ACER3: variants seen among roughly 807,000 people sequenced by gnomAD.
ACER3 encodes the protein alkCDase 3.
In ACER3, 16 loss-of-function variants were observed where a neutral mutation model predicts 48.9. The ratio of observed to expected loss-of-function variants is 0.33; its 90% CI spans 0.22 to 0.50. ACER3 has a LOEUF of 0.50. ACER3 is among the 20% of genes least tolerant of loss of function. The probability of loss-of-function intolerance (pLI) is 0.98; values close to 1 mark genes in which losing one functional copy is unlikely to be tolerated. For synonymous variants in ACER3, 109 were observed against 107.8 expected, an observed-to-expected ratio of 1.01 and a Z score of -0.07; for missense variants, 227 against 326.0, an observed-to-expected ratio of 0.70 and a Z score of 2.34.
chr11:76,915,204 T>G (rs1946493062), intron 1 of ACER3, among the ~76,000 whole-genome samples: 1 of 147,900 alleles, frequency 6.8e-6, no homozygotes, highest in Admixed American at 6.7e-5. Context: ...AAAGGAAAAA[T>G]AAATAAATAA....
chr11:76,964,194 G>A (rs1029212150), intron 3 of ACER3, among the ~76,000 whole-genome samples: 9 of 151,328 alleles, frequency 5.9e-5, no homozygotes, highest in Non-Finnish European at 1.2e-4. Context: ...AGGGTCCTAC[G>A]CCCACGGAGC....
At chr11:76,994,213 C>A (rs938444258) in intron 6 of ACER3, 4 of 453,392 alleles carry the variant, frequency 8.8e-6, no homozygotes, top group African/African-American at 8.0e-5. Flanking sequence ...CTCATTGGAA[C>A]CTCCACCTCC....
Position 76,933,205 on chromosome 11 carries a change from A to G in ACER3, c.214+6538A>G, listed in dbSNP as rs1947063042. Among the ~76,000 whole-genome samples, 4 of 120,182 alleles carry G rather than the reference A, an allele frequency of 3.3e-5. No individual in the cohort carries two copies. In the South Asian group the frequency reaches 8.1e-4, roughly 24 times the overall value. The allele number at this position is 120,182 out of a possible 152,430, so 78.8% of individuals were successfully genotyped here. A position where few individuals can be genotyped will look rare whatever the true frequency, so the allele number is the denominator to read the frequency against. On this transcript the variant is annotated intron_variant, in intron 2 of 10. Transcript: ENST00000532485. Reference sequence around the variant, plus strand: ...ATATATATATATATGAAACTTCACTATTCTGACTGAAGTGGGCAGTCTTGA... The same window carrying G: ...ATATATATATATATGAAACTTCACTGTTCTGACTGAAGTGGGCAGTCTTGA...
chr11:77,001,180 A>G (rs1333828842), intron 7 of ACER3, among the ~76,000 whole-genome samples: 3 of 152,182 alleles, frequency 2.0e-5, no homozygotes, highest in South Asian at 2.1e-4. Context: ...TAGATACACA[A>G]TTGATTATCT....
At chr11:76,979,568 G>A (rs1387715880) in intron 4 of ACER3, among the ~76,000 whole-genome samples, 3 of 151,940 alleles carry the variant, frequency 2.0e-5, no homozygotes, top group Non-Finnish European at 4.4e-5. Context: ...TGGGAGAATC[G>A]CTTGAACCCA....
chr11:76,901,407 G>C (rs760995705), intron 1 of ACER3, among the ~76,000 whole-genome samples: 1 of 152,184 alleles, frequency 6.6e-6, no homozygotes, highest in Non-Finnish European at 1.5e-5. Flanking sequence ...CCAGAGACTG[G>C]AAGCTGGTTT....
intron 1 of ACER3, among the ~76,000 whole-genome samples, chr11:76,874,769 G>A (rs1945327682): frequency 6.6e-6 from 1 of 152,150 alleles, no homozygotes; most frequent in African/African-American, 2.4e-5. Context: ...ATTTTGGGAG[G>A]TCTACTTGAT....
intron 5 of ACER3, among the ~76,000 whole-genome samples, chr11:76,986,268 G>T (rs1948683741): frequency 6.6e-6 from 1 of 152,190 alleles, no homozygotes. Flanking sequence ...TCTGTGAGGA[G>T]CTCATTCTGT....
chr11:77,012,469 G>C (rs1949289477), intron 7 of ACER3, among the ~76,000 whole-genome samples: 1 of 144,436 alleles, frequency 6.9e-6, no homozygotes, highest in African/African-American at 2.6e-5. Context: ...GTGAAATTTA[G>C]CAGAGTCACA....
Position 76,958,925 on chromosome 11 carries a change from C to T in ACER3, c.215-54C>T, listed in dbSNP as rs182163243. On this transcript the variant is annotated intron_variant, in intron 2 of 10. Coordinates refer to ENST00000532485, the MANE Select transcript of ACER3 (RefSeq NM_018367.7). Reference sequence around the variant, plus strand: ...AATGTCTTATTGTCTTCTCAGGTCACTGTCCACGCACAAAGAATTTCATGC... The same window carrying T: ...AATGTCTTATTGTCTTCTCAGGTCATTGTCCACGCACAAAGAATTTCATGC... 1.2e-4 allele frequency: 191 copies of T among 1,575,234 alleles called. No individual in the cohort carries two copies. In the Admixed American group the frequency reaches 3.1e-3, roughly 26 times the overall value.
rs1949509322 is a variant in ACER3, at chr11:77,023,989, G to T, written c.*3662G>T. ...CTCGGGAGGCTGAGGCAGGAGAATGGCGTGAACCTGGGAGGCAGAGCTTGC... is the reference window on the plus strand; with the variant it reads ...CTCGGGAGGCTGAGGCAGGAGAATGTCGTGAACCTGGGAGGCAGAGCTTGC... On this transcript the variant is annotated 3_prime_UTR_variant, in exon 11 of 11. Coordinates refer to ENST00000532485, the MANE Select transcript of ACER3 (RefSeq NM_018367.7). 6.7e-6 allele frequency: 1 copy of T among 149,692 alleles called. No homozygotes were observed. Among genetic ancestry groups the T allele is most frequent in the African/African-American group, 2.5e-5 (1 of 40,620 alleles). 9.3% of individuals were successfully genotyped at this position (149,692 alleles called of 1,614,324 possible).
intron 1 of ACER3, among the ~76,000 whole-genome samples, chr11:76,914,757 T>A (rs34266128): frequency 0.57 from 86,621 of 151,728 alleles, 27,821 homozygotes; most frequent in Non-Finnish European, 0.73. Context: ...GTATGTTTGT[T>A]GTGGCACTAT....
chr11:76,954,664 A>G (rs899856740), intron 2 of ACER3, among the ~76,000 whole-genome samples: 2 of 150,874 alleles, frequency 1.3e-5, no homozygotes, highest in Non-Finnish European at 2.9e-5. Flanking sequence ...GCAGTGGCAC[A>G]ATCATGGCTT....
At chr11:76,899,808 T>C (rs1267309168) in intron 1 of ACER3, among the ~76,000 whole-genome samples, 1 of 152,212 alleles carries the variant, frequency 6.6e-6, no homozygotes. Flanking sequence ...TTTGCACATA[T>C]ACGGTTGACC....
intron 1 of ACER3, among the ~76,000 whole-genome samples, chr11:76,906,414 C>T (rs1946232667): frequency 6.6e-6 from 1 of 152,102 alleles, no homozygotes; most frequent in Non-Finnish European, 1.5e-5. Flanking sequence ...GTCCTGTCAC[C>T]CCCTAACCAG....
chr11:76,936,721 C>CT (rs11428910), intron 2 of ACER3, among the ~76,000 whole-genome samples: 80,744 of 143,316 alleles, frequency 0.56, 25,430 homozygotes, highest in Non-Finnish European at 0.73. Context: ...TTCTTTCTTT[C>CT]TTTTTTTTTT....
intron 5 of ACER3, among the ~76,000 whole-genome samples, chr11:76,990,244 T>C (rs1445389472): frequency 6.6e-6 from 1 of 152,226 alleles, no homozygotes; most frequent in Non-Finnish European, 1.5e-5. Flanking sequence ...TCACTCCTCA[T>C]GAGAATCCAT....
At chr11:76,895,348 C>T (rs1945902099) in intron 1 of ACER3, among the ~76,000 whole-genome samples, 1 of 152,194 alleles carries the variant, frequency 6.6e-6, no homozygotes, top group African/African-American at 2.4e-5. Context: ...CTTCATTCCC[C>T]TTGTACCCAG....
At chr11:76,872,369 C>T (rs1252797064) in intron 1 of ACER3, among the ~76,000 whole-genome samples, 1 of 152,154 alleles carries the variant, frequency 6.6e-6, no homozygotes, top group Non-Finnish European at 1.5e-5. Context: ...AGCCACCACA[C>T]CCAGTCTTGA....
Sources: gnomAD v4.1 joint callset for allele counts (sites outside exome capture counted in the v4.1 genomes callset) on GRCh38, gnomAD v4.1.1 for gene constraint, MANE v1.5 for transcripts, NCBI Gene and HGNC (gene_info 2026-07-23, HGNC 2026-07-21) for gene names.